Variants in ENOX2 observed in about 807,000 individuals in gnomAD.
ENOX2 encodes ecto-NOX disulfide-thiol exchanger 2, also known as APK1 antigen.
A neutral mutation model predicts 45.0 loss-of-function variants in ENOX2; 36 were observed. The observed-to-expected ratio is 0.80, with a 90% CI of 0.61 to 1.06. The LOEUF is 1.06. Among genes scored for constraint, ENOX2 ranks in the 50% least tolerant of loss-of-function variants. ENOX2 has a pLI of 0.00. For synonymous variants in ENOX2, 174 were observed against 152.3 expected, an observed-to-expected ratio of 1.14 and a Z score of -1.05; for missense variants, 423 against 462.5, an observed-to-expected ratio of 0.91 and a Z score of 0.78.
In ENOX2 at chrX:130,625,434, G is replaced by C. The variant is rs770949350; in HGVS notation, c.1626C>G (p.Ser542Arg). The change falls in exon 15 of 15, where the codon AGC (serine) becomes AGG (arginine). Residue 542 changes from serine to arginine, a missense_variant. Ser to Arg is a moderately radical substitution (Grantham distance 110, BLOSUM62 -1). Transcript: ENST00000394363. ...LHRLDNKICTSDVECLMGRLQ... is the reference protein window; with the variant it reads ...LHRLDNKICTRDVECLMGRLQ... ...GTCTACCCATGAGACACTCCACATC[G>C]CTGGTGCAGATCTGTGGGACAGAGA... is the stretch of plus-strand genomic sequence containing the variant. 1 of 1,208,120 alleles carries C rather than the reference G, an allele frequency of 8.3e-7. No homozygotes were observed. Among genetic ancestry groups the C allele is most frequent in the Admixed American group, 2.2e-5 (1 of 45,691 alleles).
rs149152805 is a variant in ENOX2 at position 130,632,194 on chromosome X, A to C, written c.1420-618T>G. On this transcript the variant is annotated intron_variant, in intron 12 of 14. Coordinates refer to ENST00000394363, the MANE Select transcript of ENOX2 (RefSeq NM_006375.4). ...AGTTAATCAACTGTTGGTTTTTGAA[A>C]TAAAAATTAGAGCTTTCATTTACTA... Among the ~76,000 whole-genome samples the C allele has an allele frequency of 8.1e-5, 9 of 110,537 alleles. No homozygotes were observed. The East Asian group carries it at 9.2e-4, about 11-fold the overall frequency.
intron 2 of ENOX2, among the ~76,000 whole-genome samples, chrX:130,879,577 G>A (rs936181602): frequency 9.0e-6 from 1 of 111,177 alleles, no homozygotes; most frequent in African/African-American, 3.3e-5. Flanking sequence ...GGCTTTCTAA[G>A]AGCAGTGTTT....
chrX:130,752,248 TCTCA>T (rs2039241077), intron 3 of ENOX2, among the ~76,000 whole-genome samples: 1 of 109,667 alleles, frequency 9.1e-6, no homozygotes, highest in African/African-American at 3.3e-5. Flanking sequence ...TCCCTCTTTT[TCTCA>T]CTATTTCTCC....
intron 9 of ENOX2, 64 bp downstream of exon 9, chrX:130,665,579 T>C (rs2036811203): frequency 2.5e-6 from 2 of 799,596 alleles, no homozygotes; most frequent in Non-Finnish European, 3.7e-6. Context: ...AAACTCCAGA[T>C]CAATAACTTG....
At chrX:130,742,580 A>G (rs1048879236) in intron 3 of ENOX2, among the ~76,000 whole-genome samples, 2 of 111,347 alleles carry the variant, frequency 1.8e-5, no homozygotes, top group Non-Finnish European at 3.8e-5. Flanking sequence ...AGTATTCTTA[A>G]CTTACTTGGT....
At chrX:130,762,976 G>C (rs1003510339) in intron 3 of ENOX2, among the ~76,000 whole-genome samples, 1 of 110,807 alleles carries the variant, frequency 9.0e-6, no homozygotes, top group East Asian at 2.8e-4. Flanking sequence ...CAGTTATATC[G>C]GTTTTTGTTT....
rs538875431 is a variant in ENOX2 at position 130,757,302 on chromosome X, G to C, written c.-39+26245C>G. Reference sequence around the variant, plus strand: ...GACATGCACAATGCATTTTGTCCAAGCTGTACTGGTGAAAGAATAAGGTCA... The same window carrying C: ...GACATGCACAATGCATTTTGTCCAACCTGTACTGGTGAAAGAATAAGGTCA... On this transcript the variant is annotated intron_variant, in intron 3 of 14. Coordinates refer to ENST00000394363, the MANE Select transcript of ENOX2 (RefSeq NM_006375.4). Among the ~76,000 whole-genome samples the C allele has an allele frequency of 8.5e-4, 95 of 111,954 alleles. 2 individuals carry two copies. The highest frequency in any genetic ancestry group is 4.6e-3 in the Middle Eastern group (1 of 216).
At chrX:130,743,758 G>T (rs927832001) in intron 3 of ENOX2, among the ~76,000 whole-genome samples, 1 of 111,233 alleles carries the variant, frequency 9.0e-6, no homozygotes, top group Non-Finnish European at 1.9e-5. Flanking sequence ...GGGATTACAG[G>T]TGTGAGCCAC....
At chrX:130,812,792 A>C (rs746527659) in intron 2 of ENOX2, among the ~76,000 whole-genome samples, 3 of 111,891 alleles carry the variant, frequency 2.7e-5, no homozygotes, top group Non-Finnish European at 5.6e-5. Context: ...TTTTACAAAA[A>C]TCGAAAAATC....
chrX:130,655,970 G>C (rs2148083623), intron 10 of ENOX2, among the ~76,000 whole-genome samples: 1 of 111,891 alleles, frequency 8.9e-6, no homozygotes, highest in East Asian at 2.8e-4. Context: ...CTCCTTACAA[G>C]TGTGGAAGCT....
At chrX:130,698,663 G>A (rs946600951) in intron 4 of ENOX2, among the ~76,000 whole-genome samples, 7 of 111,496 alleles carry the variant, frequency 6.3e-5, no homozygotes, top group African/African-American at 2.0e-4. Flanking sequence ...AATACAAACC[G>A]AAGTCCAGGC....
intron 9 of ENOX2, among the ~76,000 whole-genome samples, chrX:130,664,392 G>A (rs1159634159): frequency 8.9e-6 from 1 of 112,530 alleles, no homozygotes; most frequent in African/African-American, 3.2e-5. Flanking sequence ...AGCTCACAGT[G>A]AGGAGAATAA....
rs1013105005 is a variant in ENOX2 at position 130,698,534 on chromosome X, T to C, written c.97+4586A>G. ...AATTTTATCTGGTATATATAATGTT[T>C]ACGTATTATTGGCTCTTGGTAAAAT... On this transcript the variant is annotated intron_variant, in intron 4 of 14. Coordinates refer to ENST00000394363, the MANE Select transcript of ENOX2 (RefSeq NM_006375.4). Among the ~76,000 whole-genome samples, 3 of 111,774 alleles carry C rather than the reference T, an allele frequency of 2.7e-5. No individual in the cohort carries two copies. The Admixed American group carries it at 2.9e-4, about 11-fold the overall frequency.
intron 2 of ENOX2, among the ~76,000 whole-genome samples, chrX:130,809,710 G>A (rs188584494): frequency 9.0e-6 from 1 of 111,369 alleles, no homozygotes; most frequent in East Asian, 2.8e-4. Context: ...TTAAAGTTAA[G>A]TCTTCACCCC....
intron 2 of ENOX2, among the ~76,000 whole-genome samples, chrX:130,898,164 C>T (rs182033187): frequency 1.4e-4 from 16 of 110,697 alleles, no homozygotes. Context: ...CATGCCATCA[C>T]GCCCGGCTAA....
intron 2 of ENOX2, among the ~76,000 whole-genome samples, chrX:130,821,747 A>T (rs1475939088): frequency 1.2e-5 from 1 of 80,828 alleles, no homozygotes; most frequent in African/African-American, 4.5e-5. Context: ...TAAATTAAAA[A>T]AAAAAAAAAA....
chrX:130,813,870 G>T (rs1410236128), intron 2 of ENOX2, among the ~76,000 whole-genome samples: 6 of 111,999 alleles, frequency 5.4e-5, no homozygotes, highest in Non-Finnish European at 1.9e-5. Context: ...TCATACCCCA[G>T]TGGCGCCTGG....
At chrX:130,791,802 C>T (rs1012104981) in intron 2 of ENOX2, among the ~76,000 whole-genome samples, 10 of 111,696 alleles carry the variant, frequency 9.0e-5, no homozygotes, top group Non-Finnish European at 1.3e-4. Flanking sequence ...ACACTCCACT[C>T]CTAATGTATC....
chrX:130,801,120 G>A (rs2077210092), intron 2 of ENOX2, among the ~76,000 whole-genome samples: 1 of 111,901 alleles, frequency 8.9e-6, no homozygotes, highest in Non-Finnish European at 1.9e-5. Flanking sequence ...CCAATGGTCA[G>A]GGACTGCACG....
Sources: gnomAD v4.1 joint callset for allele counts (sites outside exome capture counted in the v4.1 genomes callset) on GRCh38, gnomAD v4.1.1 for gene constraint, MANE v1.5 for transcripts, NCBI Gene and HGNC (gene_info 2026-07-23, HGNC 2026-07-21) for gene names.